The following BICRAL variants were observed in gnomAD, a reference collection of about 807,000 sequenced individuals.
BICRAL encodes BICRA like chromatin remodeling complex associated protein.
A neutral mutation model predicts 91.8 loss-of-function variants in BICRAL; 8 were observed. That is an observed-to-expected ratio of 0.09 (90% CI 0.05 to 0.16). The LOEUF is 0.16. Among genes scored for constraint, BICRAL ranks in the 10% least tolerant of loss-of-function variants. The pLI is 1.00. For synonymous variants in BICRAL, 445 were observed against 491.1 expected, an observed-to-expected ratio of 0.91 and a Z score of 1.24; for missense variants, 1,038 against 1,310.9, an observed-to-expected ratio of 0.79 and a Z score of 3.21.
intron 6 of BICRAL, 72 bp from the exon 7 acceptor site, chr6:42,852,020 G>A (rs893498035): frequency 4.4e-6 from 4 of 915,436 alleles, no homozygotes; most frequent in Non-Finnish European, 6.9e-6. Flanking sequence ...AAGAGGCTTG[G>A]TTGGTATTTA....
intron 1 of BICRAL, among the ~76,000 whole-genome samples, chr6:42,761,101 C>A (rs531075828): frequency 6.6e-6 from 1 of 152,322 alleles, no homozygotes; most frequent in South Asian, 2.1e-4. Context: ...TGTTCTCTCA[C>A]GTCTCTTCCT....
chr6:42,861,011 A>G (rs778119981), intron 11 of BICRAL, among the ~76,000 whole-genome samples: 7 of 152,232 alleles, frequency 4.6e-5, no homozygotes, highest in Non-Finnish European at 8.8e-5. Context: ...CTGTAATCCC[A>G]GCTACTCGGG....
chr6:42,857,181 G>T lies in BICRAL; in HGVS notation c.2199G>T (p.Leu733=). The T allele has an allele frequency of 6.2e-7, 1 of 1,613,664 alleles. No homozygotes were observed. The highest frequency in any genetic ancestry group is 1.1e-5 in the South Asian group (1 of 91,060). The change falls in exon 10 of 13, where the codon CTG becomes CTT. Residue 733 remains leucine (L), a synonymous_variant. Coordinates refer to ENST00000314073, the MANE Select transcript of BICRAL (RefSeq NM_001393499.1). ...CACTAAGTGATGCGGTACAGAGACT[G>T]CTCTCCTACCACGTGTGCCAGGGCT... ...FRSLSDAVQR[L]LSYHVCQGSM...
chr6:42,797,238 A>G (rs1763441834), intron 1 of BICRAL, among the ~76,000 whole-genome samples: 1 of 152,092 alleles, frequency 6.6e-6, no homozygotes, highest in Admixed American at 6.6e-5. Context: ...GGTGGAAAAG[A>G]ACCAATTTAG....
intron 2 of BICRAL, among the ~76,000 whole-genome samples, chr6:42,815,984 CAAAAAAAAAA>C (rs746928245): frequency 1.0e-4 from 4 of 39,242 alleles, no homozygotes; most frequent in Non-Finnish European, 1.5e-4. Flanking sequence ...AACTCTGTCT[CAAAAAAAAAA>C]AAAAAAAAAA....
At chr6:42,839,556 C>T (rs776049947) in intron 6 of BICRAL, among the ~76,000 whole-genome samples, 3 of 152,072 alleles carry the variant, frequency 2.0e-5, no homozygotes, top group Non-Finnish European at 2.9e-5. Context: ...GTATTTACCA[C>T]TCATAGCTGC....
At chr6:42,840,657 C>A (rs908900645) in intron 6 of BICRAL, among the ~76,000 whole-genome samples, 3 of 152,172 alleles carry the variant, frequency 2.0e-5, no homozygotes, top group African/African-American at 7.2e-5. Context: ...TGCCTCAGCA[C>A]CCCCTAGTAG....
In BICRAL at chr6:42,864,765, G is replaced by C; in HGVS notation, c.2559G>C (p.Leu853=). Residue 853 remains leucine, a synonymous_variant, in exon 13 of 13, where the codon CTG becomes CTC. Transcript: ENST00000314073. ...ATGGCAGTAAAGCAAGCAGCTCTCT[G>C]CAACCGCCAGCCAAGGCCCAAGGCA... ...DQHGSKASSS[L]QPPAKAQGRD... 1 of 1,614,180 alleles carries C rather than the reference G, an allele frequency of 6.2e-7. No homozygotes were observed.
intron 6 of BICRAL, among the ~76,000 whole-genome samples, chr6:42,836,619 C>CTTTTTTT (rs962446384): frequency 4.8e-5 from 6 of 125,356 alleles, no homozygotes; most frequent in Non-Finnish European, 8.6e-5. Flanking sequence ...TGTGTAGTTT[C>CTTTTTTT]TTTTTTTTTT....
chr6:42,840,974 G>T (rs888969822), intron 6 of BICRAL, among the ~76,000 whole-genome samples: 2 of 150,098 alleles, frequency 1.3e-5, no homozygotes, highest in Non-Finnish European at 3.0e-5. Flanking sequence ...TACTCAGGAG[G>T]CTGAGGCACA....
chr6:42,829,905 C>T lies in BICRAL; in HGVS notation c.1572C>T (p.Gly524=), dbSNP rs1367339957. ...GCAGCGTTTCCCAAGGAAGACCTGG[C>T]TTCGCCACCATGCCATCGGTGACAA... ...GQSSVSQGRP[G]FATMPSVTSM... is the part of the protein sequence containing the mutation. Residue 524 remains glycine, a synonymous_variant, in exon 6 of 13, where the codon GGC becomes GGT. Transcript: ENST00000314073. The T allele has an allele frequency of 1.2e-6, 2 of 1,614,136 alleles. No individual in the cohort carries two copies.
chr6:42,848,857 C>T (rs1397260667), intron 6 of BICRAL, among the ~76,000 whole-genome samples: 1 of 152,112 alleles, frequency 6.6e-6, no homozygotes, highest in Non-Finnish European at 1.5e-5. Flanking sequence ...AATTATAAAG[C>T]AGGTACTCAC....
In BICRAL at chr6:42,829,056, C is replaced by T. The variant is rs142958072; in HGVS notation, c.723C>T (p.Ser241=). 1,262 of 1,613,714 alleles carry T rather than the reference C, an allele frequency of 7.8e-4. 2 individuals carry two copies. Among genetic ancestry groups the T allele is most frequent in the Non-Finnish European group, 8.8e-4 (1,041 of 1,179,664 alleles). Residue 241 remains serine, a synonymous_variant, in exon 6 of 13, where the codon AGC becomes AGT. Coordinates refer to ENST00000314073, the MANE Select transcript of BICRAL (RefSeq NM_001393499.1). ...GATCTCAAATCATATTAAAGGGCAG[C>T]GGGCAGCAAGCCCCATCAAATGTGA... ...LDGSQIILKG[S]GQQAPSNVSG...
chr6:42,839,121 A>G (rs141390819), intron 6 of BICRAL, among the ~76,000 whole-genome samples: 1,700 of 152,048 alleles, frequency 0.011, 9 homozygotes, highest in Middle Eastern at 0.031. Context: ...AATCACTTGA[A>G]CTTGGGAGGC....
At chr6:42,780,050 G>A (rs924981230), upstream of BICRAL, among the ~76,000 whole-genome samples, 2 of 152,028 alleles carry the variant, frequency 1.3e-5, no homozygotes, top group African/African-American at 4.8e-5. Context: ...ACAGGCATGT[G>A]CCACACATAC....
chr6:42,804,067 G>T lies in BICRAL; in HGVS notation c.-101-6239G>T, dbSNP rs541379119. 2.6e-5 allele frequency among the ~76,000 whole-genome samples: 4 copies of T among 152,340 alleles called. No homozygotes were observed. The South Asian group carries it at 8.3e-4, about 32-fold the overall frequency. On this transcript the variant is annotated intron_variant, in intron 1 of 12. Transcript: ENST00000314073. ...GACGGAGTTTCGCTCTTGTTGCCCA[G>T]GCTGGAGTGCAATGGCATGATCTCT...
chr6:42,832,383 GTATGTATATATATATACATATA>G (rs983641269), intron 6 of BICRAL, among the ~76,000 whole-genome samples: 52 of 144,958 alleles, frequency 3.6e-4, no homozygotes, highest in African/African-American at 7.1e-4. Context: ...ATATATGTAT[GTATGTATATATATATACATATA>G]TATGTATATA....
upstream of BICRAL, among the ~76,000 whole-genome samples, chr6:42,781,590 T>C (rs1011972967): frequency 2.5e-5 from 1 of 40,102 alleles, no homozygotes; most frequent in African/African-American, 8.1e-5. Context: ...ACTGGGTGGG[T>C]GGGTGGGTGT....
chr6:42,833,105 G>T (rs371296435), intron 6 of BICRAL, among the ~76,000 whole-genome samples: 7 of 151,504 alleles, frequency 4.6e-5, no homozygotes, highest in African/African-American at 1.7e-4. Flanking sequence ...GCCCAGGCTG[G>T]AGTGCAGTAG....
Sources: allele counts gnomAD v4.1 joint callset (sites outside exome capture counted in the v4.1 genomes callset), GRCh38; gene constraint gnomAD v4.1.1; transcripts MANE v1.5; gene names NCBI Gene and HGNC (gene_info 2026-07-23, HGNC 2026-07-21).